MYO18B: variants seen among roughly 807,000 people sequenced by gnomAD.
MYO18B encodes myosin XVIIIB.
Under a neutral mutation model 273.0 loss-of-function variants are expected in MYO18B, and 204 were observed. The ratio of observed to expected loss-of-function variants is 0.75; its 90% CI spans 0.67 to 0.84. The LOEUF is 0.84. Ranked by LOEUF, MYO18B falls within the 40% of genes least tolerant of loss-of-function variation. The pLI is 0.00. For missense variants in MYO18B, 3,212 were observed against 3,287.6 expected (o/e 0.98, Z 0.56); for synonymous variants, 1,330 against 1,305.7 (o/e 1.02, Z -0.40).
intron 39 of MYO18B, among the ~76,000 whole-genome samples, chr22:25,955,676 C>T (rs559774380): frequency 6.6e-6 from 1 of 152,296 alleles, no homozygotes; most frequent in African/African-American, 2.4e-5. Context: ...GGCAGGAAGG[C>T]CTCATACAAA....
At chr22:26,043,029 G>C in the MYO18B span, among the ~76,000 whole-genome samples, 6 of 152,264 alleles carry the variant, frequency 3.9e-5, no homozygotes, top group East Asian at 1.2e-3. Flanking sequence ...AATCACCCTA[G>C]AAAGTTCCCT....
chr22:25,770,899 C>G lies in MYO18B; in HGVS notation c.1607C>G (p.Thr536Arg), dbSNP rs1222902997. Residue 536 changes from threonine to arginine, a missense_variant, in exon 6 of 44, where the codon ACA becomes AGA. Thr to Arg is a moderately conservative substitution (Grantham distance 71). Transcript: ENST00000335473. Reference sequence around the variant, plus strand: ...ACGGTGCTAAAGCCAGATGAGGGAACAGCAGACCTGCCAGCAGGAAGGGTG... The same window carrying G: ...ACGGTGCTAAAGCCAGATGAGGGAAGAGCAGACCTGCCAGCAGGAAGGGTG... ...LATVLKPDEG[T>R]ADLPAGRVRL... The G allele has an allele frequency of 1.9e-6, 3 of 1,552,040 alleles. No individual in the cohort carries two copies. The highest frequency in any genetic ancestry group is 2.6e-6 in the Non-Finnish European group (3 of 1,147,126).
chr22:25,788,978 A>G (rs1276156324), intron 11 of MYO18B, among the ~76,000 whole-genome samples: 2 of 152,202 alleles, frequency 1.3e-5, no homozygotes, highest in Non-Finnish European at 2.9e-5. Context: ...GATAAAGCCA[A>G]TGAAGTACTT....
At chr22:25,933,965 A>G (rs1048747480) in intron 34 of MYO18B, among the ~76,000 whole-genome samples, 15 of 152,352 alleles carry the variant, frequency 9.8e-5, no homozygotes, top group African/African-American at 2.9e-4. Flanking sequence ...AGAACATGAA[A>G]GTCCTACTGG....
At chr22:25,795,682 G>A (rs1160722160) in intron 11 of MYO18B, among the ~76,000 whole-genome samples, 1 of 152,192 alleles carries the variant, frequency 6.6e-6, no homozygotes, top group Non-Finnish European at 1.5e-5. Context: ...GGTTGCTAGG[G>A]ATTTTGTGAT....
At chr22:25,882,796 G>A (rs2091380599) in intron 25 of MYO18B, among the ~76,000 whole-genome samples, 1 of 152,210 alleles carries the variant, frequency 6.6e-6, no homozygotes, top group Admixed American at 6.5e-5. Context: ...TTACATGGAT[G>A]TATTGCATAG....
intron 36 of MYO18B, among the ~76,000 whole-genome samples, chr22:25,948,519 T>TCCTTC (rs369829547): frequency 2.3e-4 from 2 of 8,722 alleles, no homozygotes; most frequent in South Asian, 5.6e-3. Context: ...TCTCTTTCCT[T>TCCTTC]CTTTCTTTCT....
At chr22:25,882,266 A>G (rs1281512928) in intron 25 of MYO18B, among the ~76,000 whole-genome samples, 5 of 152,238 alleles carry the variant, frequency 3.3e-5, no homozygotes, top group African/African-American at 1.2e-4. Flanking sequence ...TAGAACCATT[A>G]AAGTTGGGCA....
chr22:25,804,009 C>CAT (rs1555897009), intron 12 of MYO18B, among the ~76,000 whole-genome samples: 2 of 148,330 alleles, frequency 1.3e-5, no homozygotes, highest in East Asian at 3.9e-4. Flanking sequence ...CACACACACA[C>CAT]ATATTTTATA....
At chr22:25,928,964 C>G (rs1316273997) in intron 34 of MYO18B, among the ~76,000 whole-genome samples, 1 of 152,038 alleles carries the variant, frequency 6.6e-6, no homozygotes, top group Non-Finnish European at 1.5e-5. Flanking sequence ...GAGTTCAAGA[C>G]CAGCCTGACC....
chr22:25,891,219 G>C (rs73879583), intron 26 of MYO18B, 85 bp from the exon 27 acceptor site: 3 of 1,046,722 alleles, frequency 2.9e-6, no homozygotes, highest in East Asian at 2.6e-5. Flanking sequence ...TGGCCAATCC[G>C]AGCCTTGGAA....
chr22:25,938,658 C>T (rs536589040), intron 34 of MYO18B, among the ~76,000 whole-genome samples: 4 of 152,306 alleles, frequency 2.6e-5, no homozygotes, highest in Non-Finnish European at 5.9e-5. Flanking sequence ...TCCCTCTTTC[C>T]CCCTCGATGA....
intron 29 of MYO18B, among the ~76,000 whole-genome samples, chr22:25,902,369 C>A (rs1253244870): frequency 6.6e-6 from 1 of 152,170 alleles, no homozygotes; most frequent in Non-Finnish European, 1.5e-5. Flanking sequence ...GGCAAGTCTA[C>A]CTCAACCCTA....
chr22:26,026,724 C>G lies in MYO18B; in HGVS notation c.6750C>G (p.Leu2250=). ...REKLPSPSAA[L]SEFVEGLRRK... ...AGCTGCCCAGTCCTTCAGCGGCCCTCTCGGAGTTCGTGGAAGGGCTCCGGA... is the reference window on the plus strand; with the variant it reads ...AGCTGCCCAGTCCTTCAGCGGCCCTGTCGGAGTTCGTGGAAGGGCTCCGGA... Residue 2250 remains leucine, a synonymous_variant, in exon 43 of 44, where the codon CTC becomes CTG. Coordinates refer to ENST00000335473, the MANE Select transcript of MYO18B (RefSeq NM_032608.7). 6.2e-7 allele frequency: 1 copy of G among 1,613,644 alleles called. No homozygotes were observed.
At chr22:25,966,327 A>G (rs959196260) in intron 39 of MYO18B, among the ~76,000 whole-genome samples, 1 of 152,116 alleles carries the variant, frequency 6.6e-6, no homozygotes, top group Non-Finnish European at 1.5e-5. Flanking sequence ...GTCCCCTTCC[A>G]TCTACTTACT....
At chr22:25,803,936 G>A (rs1270520769) in intron 12 of MYO18B, among the ~76,000 whole-genome samples, 5 of 137,940 alleles carry the variant, frequency 3.6e-5, no homozygotes, top group African/African-American at 5.5e-5. Flanking sequence ...CTCAACTTAC[G>A]GTAAGAAACA....
At chr22:25,843,069 T>G (rs1363393789) in intron 17 of MYO18B, among the ~76,000 whole-genome samples, 3 of 152,104 alleles carry the variant, frequency 2.0e-5, no homozygotes, top group Middle Eastern at 3.2e-3. Flanking sequence ...TAATCCACAT[T>G]TTACAGACGA....
chr22:26,057,274 A>G, the MYO18B span, among the ~76,000 whole-genome samples: 6 of 152,198 alleles, frequency 3.9e-5, no homozygotes, highest in Admixed American at 1.3e-4. Flanking sequence ...ATGATCACTC[A>G]GTTAATATGA....
chr22:26,006,732 C>T (rs576322702), intron 42 of MYO18B, among the ~76,000 whole-genome samples: 6 of 152,258 alleles, frequency 3.9e-5, no homozygotes, highest in Middle Eastern at 3.4e-3. Context: ...TGTTTCCTCC[C>T]GAGTAAATCA....
Sources: allele counts gnomAD v4.1 joint callset (sites outside exome capture counted in the v4.1 genomes callset), GRCh38; gene constraint gnomAD v4.1.1; transcripts MANE v1.5; gene names NCBI Gene and HGNC (gene_info 2026-07-23, HGNC 2026-07-21).